CLIC5: variants seen among roughly 807,000 people sequenced by gnomAD.
The protein encoded by CLIC5 is chloride intracellular channel protein 5.
In CLIC5, 20 loss-of-function variants were observed where a neutral mutation model predicts 24.7. That is an observed-to-expected ratio of 0.81 (90% CI 0.57 to 1.18). CLIC5 has a LOEUF of 1.18. Ranked by LOEUF, CLIC5 falls within the 50% of genes most tolerant of loss-of-function variation. The probability of loss-of-function intolerance (pLI) is 0.00; values close to 1 mark genes in which losing one functional copy is unlikely to be tolerated. For synonymous variants in CLIC5, 159 were observed against 135.6 expected (o/e 1.17, Z -1.20); for missense variants, 341 against 326.1 (o/e 1.05, Z -0.35).
intron 1 of CLIC5, among the ~76,000 whole-genome samples, chr6:46,052,158 A>T (rs1398234544): frequency 6.6e-6 from 1 of 152,196 alleles, no homozygotes; most frequent in East Asian, 1.9e-4. Flanking sequence ...CTTGTGGTCA[A>T]ATAATTGAGA....
At chr6:46,032,978 T>C (rs1767550302) in intron 1 of CLIC5, among the ~76,000 whole-genome samples, 1 of 142,898 alleles carries the variant, frequency 7.0e-6, no homozygotes, top group Non-Finnish European at 1.5e-5. Flanking sequence ...CCTGGAAATC[T>C]ACATTTTTTT....
At chr6:45,889,484 T>A (rs568949462) in intron 6 of CLIC5, among the ~76,000 whole-genome samples, 1 of 152,154 alleles carries the variant, frequency 6.6e-6, no homozygotes, top group Non-Finnish European at 1.5e-5. Flanking sequence ...ATGTAAGATA[T>A]AGAACAATGT....
the CLIC5 span, among the ~76,000 whole-genome samples, chr6:46,088,201 G>A: frequency 1.3e-5 from 2 of 148,438 alleles, no homozygotes; most frequent in African/African-American, 5.0e-5. Context: ...GTGTGACACT[G>A]TATAATATAT....
intron 2 of CLIC5, among the ~76,000 whole-genome samples, chr6:45,951,392 C>T (rs1764463267): frequency 6.6e-6 from 1 of 152,102 alleles, no homozygotes; most frequent in South Asian, 2.1e-4. Flanking sequence ...TGCACTTAGC[C>T]CACAGCAGTG....
At chr6:45,934,990 T>G (rs933102611) in intron 4 of CLIC5, among the ~76,000 whole-genome samples, 3 of 152,204 alleles carry the variant, frequency 2.0e-5, no homozygotes, top group Non-Finnish European at 4.4e-5. Context: ...ATTGCTAGGA[T>G]TGAAGCATAA....
chr6:45,926,228 C>CATATATAT (rs10543677), intron 4 of CLIC5, among the ~76,000 whole-genome samples: 42 of 144,100 alleles, frequency 2.9e-4, no homozygotes, highest in South Asian at 1.1e-3. Context: ...CATACATATA[C>CATATATAT]ATATATATAT....
chr6:46,068,595 C>A (rs953181672), intron 1 of CLIC5, among the ~76,000 whole-genome samples: 1 of 152,088 alleles, frequency 6.6e-6, no homozygotes, highest in Non-Finnish European at 1.5e-5. Context: ...ACATACCCCC[C>A]AAGTTTGTAT....
chr6:45,943,152 G>GTTAA, intron 3 of CLIC5, among the ~76,000 whole-genome samples: 1 of 152,260 alleles, frequency 6.6e-6, no homozygotes, highest in East Asian at 1.9e-4. Context: ...GCATAGAGAG[G>GTTAA]TTAAGCAATT....
exon 1 of CLIC5, chr6:46,079,838 C>T (rs1370800867): frequency 1.3e-6 from 2 of 1,552,086 alleles, no homozygotes; most frequent in Non-Finnish European, 8.7e-7. Context: ...AAGGAGAAGG[C>T]AGATCTTCCT....
chr6:45,922,891 G>T lies in CLIC5; in HGVS notation c.407-8482C>A, dbSNP rs549404216. ...AATGTGGGAGGAAGCTGCAGAGCTA[G>T]CGAGCTCAGGAGTGATCAGGGGAGA... On this transcript the variant is annotated intron_variant, in intron 4 of 5. Transcript: ENST00000339561. 5.9e-5 allele frequency among the ~76,000 whole-genome samples: 9 copies of T among 151,966 alleles called. 1 individual carries two copies. The South Asian group carries it at 1.7e-3, about 28-fold the overall frequency.
At chr6:46,070,586 T>G (rs1257370788) in intron 1 of CLIC5, among the ~76,000 whole-genome samples, 1 of 151,950 alleles carries the variant, frequency 6.6e-6, no homozygotes, top group Non-Finnish European at 1.5e-5. Context: ...CACAAACAAA[T>G]GGAAAAACAT....
chr6:46,068,678 G>A (rs1437713057), intron 1 of CLIC5, among the ~76,000 whole-genome samples: 1 of 152,252 alleles, frequency 6.6e-6, no homozygotes, highest in East Asian at 1.9e-4. Flanking sequence ...AAGTTAAAAT[G>A]AGGTCATTAG....
At chr6:45,911,018 C>T (rs1762801130) in intron 5 of CLIC5, among the ~76,000 whole-genome samples, 1 of 152,222 alleles carries the variant, frequency 6.6e-6, no homozygotes, top group Non-Finnish European at 1.5e-5. Flanking sequence ...GCTTTAGAGG[C>T]TGGATCCCAG....
chr6:45,978,593 A>G (rs1765463349), intron 1 of CLIC5, among the ~76,000 whole-genome samples: 2 of 152,196 alleles, frequency 1.3e-5, no homozygotes, highest in African/African-American at 2.4e-5. Flanking sequence ...TAACACTTTT[A>G]CAAGTGATGC....
chr6:46,016,181 A>G (rs1767001378), upstream of CLIC5, among the ~76,000 whole-genome samples: 1 of 112,396 alleles, frequency 8.9e-6, no homozygotes, highest in Non-Finnish European at 1.8e-5. Context: ...GGGGAAGGGG[A>G]AGAGGAAGGG....
intron 1 of CLIC5, among the ~76,000 whole-genome samples, chr6:46,076,167 C>T (rs1762763931): frequency 6.6e-6 from 1 of 152,180 alleles, no homozygotes; most frequent in South Asian, 2.1e-4. Flanking sequence ...CCTAGTGGCC[C>T]CTAAGGACTG....
In CLIC5 at chr6:46,006,361, G is replaced by T. The variant is rs190839690; in HGVS notation, c.63+9119C>A. ...GGGTTTCACCATATTGGCCAGGCTG[G>T]TCTCGAACTCTTGACCTCATGATCT... is the stretch of plus-strand genomic sequence containing the variant. On this transcript the variant is annotated intron_variant, in intron 1 of 5. Transcript: ENST00000339561. Among the ~76,000 whole-genome samples, 328 of 150,072 alleles carry T rather than the reference G, an allele frequency of 2.2e-3. 5 individuals are homozygous for T. The highest frequency in any genetic ancestry group is 7.0e-3 in the African/African-American group (287 of 41,160).
At chr6:46,123,479 C>G in the CLIC5 span, among the ~76,000 whole-genome samples, 1 of 152,164 alleles carries the variant, frequency 6.6e-6, no homozygotes, top group Non-Finnish European at 1.5e-5. Context: ...CAATATCATA[C>G]TGAATGGGCA....
Position 45,918,893 on chromosome 6 carries a change from C to T in CLIC5, c.407-4484G>A, listed in dbSNP as rs1006631633. On this transcript the variant is annotated intron_variant, in intron 4 of 5. Coordinates refer to ENST00000339561, the MANE Select transcript of CLIC5 (RefSeq NM_016929.5). ...GGCTATTGAGATGGAAAATATTATT[C>T]ATCGTCATTCAACAGATGAAGAAAC... 3.2e-6 allele frequency: 3 copies of T among 935,402 alleles called. No homozygotes were observed. In the African/African-American group the frequency reaches 5.3e-5, roughly 17 times the overall value. The allele number at this position is 935,402 out of a possible 1,614,324, so 57.9% of individuals were successfully genotyped here.
Sources: allele counts gnomAD v4.1 joint callset (sites outside exome capture counted in the v4.1 genomes callset), GRCh38; gene constraint gnomAD v4.1.1; transcripts MANE v1.5; gene names NCBI Gene and HGNC (gene_info 2026-07-23, HGNC 2026-07-21).